Variants in ATP2B1 observed in about 807,000 individuals in gnomAD.
ATP2B1 encodes the protein ATPase plasma membrane Ca2+ transporting 1.
Under a neutral mutation model 124.2 loss-of-function variants are expected in ATP2B1, and 14 were observed. The ratio of observed to expected loss-of-function variants is 0.11; its 90% CI spans 0.07 to 0.18. The LOEUF is 0.18. Ranked by LOEUF, ATP2B1 falls within the 10% of genes least tolerant of loss-of-function variation. The probability of loss-of-function intolerance (pLI) is 1.00; values close to 1 mark genes in which losing one functional copy is unlikely to be tolerated. For synonymous variants in ATP2B1, 449 were observed against 492.4 expected (o/e 0.91, Z 1.17); for missense variants, 763 against 1,466.1 (o/e 0.52, Z 7.83).
intron 10 of ATP2B1, 56 bp downstream of exon 10, chr12:89,621,493 G>A (rs17381270): frequency 0.18 from 236,256 of 1,343,824 alleles, 22,831 homozygotes; most frequent in Non-Finnish European, 0.2. Flanking sequence ...CTTACATATA[G>A]TCTGATCATT....
At chr12:89,619,542 C>T (rs1372868513) in intron 11 of ATP2B1, among the ~76,000 whole-genome samples, 1 of 147,948 alleles carries the variant, frequency 6.8e-6, no homozygotes, top group Admixed American at 6.9e-5. Flanking sequence ...AACCCAGGGG[C>T]GGAGGGTGAA....
intron 11 of ATP2B1, among the ~76,000 whole-genome samples, chr12:89,618,596 C>T (rs1879410490): frequency 6.6e-6 from 1 of 152,166 alleles, no homozygotes; most frequent in Non-Finnish European, 1.5e-5. Context: ...TGTATATGGC[C>T]TGTGTGCCAC....
In ATP2B1 at chr12:89,591,179, C is replaced by A; in HGVS notation, c.3468G>T (p.Glu1156Asp). ...TGTCATCAATAAGGGGGATATGAGG[C>A]TCTGAATCTTCTATCCTAAACTCAG... The part of the protein sequence containing the change: ...THPEFRIEDS[E>D]PHIPLIDDTD... The change falls in exon 21 of 21, where the codon GAG (glutamate) becomes GAT (aspartate). Residue 1156 changes from glutamate (E) to aspartate (D), a missense_variant. By Grantham distance (45) the Glu-to-Asp change is conservative. Transcript: ENST00000428670. 1 of 1,613,258 alleles carries A rather than the reference C, an allele frequency of 6.2e-7. No individual in the cohort carries two copies. The highest frequency in any genetic ancestry group is 8.5e-7 in the Non-Finnish European group (1 of 1,179,382).
At chr12:89,689,639 T>C (rs998341894) in intron 1 of ATP2B1, among the ~76,000 whole-genome samples, 5 of 152,128 alleles carry the variant, frequency 3.3e-5, no homozygotes, top group African/African-American at 7.2e-5. Flanking sequence ...ATCTGGCCCA[T>C]ATTTAATACG....
chr12:89,638,766 A>G (rs1782701679), intron 3 of ATP2B1, among the ~76,000 whole-genome samples: 1 of 152,194 alleles, frequency 6.6e-6, no homozygotes, highest in African/African-American at 2.4e-5. Flanking sequence ...ATACAGCAAA[A>G]TATTTTGATA....
chr12:89,685,070 C>T lies in ATP2B1; in HGVS notation c.-222+23526G>A, dbSNP rs142228360. ...AATTTGTATTTCTCAATGTAGCCTC[C>T]GCCATTGCCGTATTTTATTGTGACA... On this transcript the variant is annotated intron_variant, in intron 1 of 20. Coordinates refer to ENST00000428670, the MANE Select transcript of ATP2B1 (RefSeq NM_001366521.1). Among the ~76,000 whole-genome samples the T allele has an allele frequency of 2.3e-3, 344 of 152,198 alleles. 1 individual carries two copies. The highest frequency in any genetic ancestry group is 3.7e-3 in the Non-Finnish European group (255 of 68,004).
intron 2 of ATP2B1, among the ~76,000 whole-genome samples, chr12:89,648,607 A>C (rs1592856701): frequency 1.3e-5 from 2 of 152,386 alleles, no homozygotes; most frequent in African/African-American, 4.8e-5. Flanking sequence ...GAAAATGTGC[A>C]GCCTGGACCT....
intron 2 of ATP2B1, among the ~76,000 whole-genome samples, chr12:89,644,551 A>C (rs572776160): frequency 2.0e-5 from 3 of 152,250 alleles, no homozygotes; most frequent in East Asian, 1.9e-4. Flanking sequence ...AAAAAGAAAA[A>C]AAAAAGACTT....
At chr12:89,636,681 G>T (rs995270717) in intron 3 of ATP2B1, among the ~76,000 whole-genome samples, 3 of 152,128 alleles carry the variant, frequency 2.0e-5, no homozygotes, top group Non-Finnish European at 4.4e-5. Flanking sequence ...CAATCTGGGA[G>T]GGAAGACAGG....
At chr12:89,659,503 A>G (rs144710077) in intron 1 of ATP2B1, among the ~76,000 whole-genome samples, 90 of 152,306 alleles carry the variant, frequency 5.9e-4, no homozygotes, top group Admixed American at 2.2e-3. Flanking sequence ...AGGGCCTTAG[A>G]AAAAGACAAA....
intron 2 of ATP2B1, among the ~76,000 whole-genome samples, chr12:89,643,860 C>A (rs1355230235): frequency 6.6e-6 from 1 of 152,172 alleles, no homozygotes; most frequent in African/African-American, 2.4e-5. Context: ...GAGGCCAAGG[C>A]AGGCAGATCA....
intron 7 of ATP2B1, among the ~76,000 whole-genome samples, chr12:89,627,220 T>C (rs1469467592): frequency 6.6e-6 from 1 of 152,076 alleles, no homozygotes; most frequent in Non-Finnish European, 1.5e-5. Context: ...CCTGATCTCC[T>C]GTGATGCGGA....
intron 2 of ATP2B1, among the ~76,000 whole-genome samples, chr12:89,648,967 A>T (rs930786606): frequency 1.2e-4 from 18 of 152,232 alleles, no homozygotes; most frequent in African/African-American, 4.3e-4. Context: ...TGTGGTATTA[A>T]ATTTGCAGAT....
intron 15 of ATP2B1, among the ~76,000 whole-genome samples, chr12:89,605,021 G>A (rs1309472859): frequency 6.6e-6 from 1 of 152,142 alleles, no homozygotes; most frequent in African/African-American, 2.4e-5. Flanking sequence ...TTAATAAATT[G>A]TGGATTAATA....
At chr12:89,640,730 GGTGCC>G (rs1883374687) in intron 3 of ATP2B1, among the ~76,000 whole-genome samples, 1 of 152,058 alleles carries the variant, frequency 6.6e-6, no homozygotes, top group Non-Finnish European at 1.5e-5. Flanking sequence ...TGAATGGCTT[GGTGCC>G]CTCCCCATGG....
intron 20 of ATP2B1, among the ~76,000 whole-genome samples, chr12:89,596,825 T>A (rs1592698971): frequency 6.6e-6 from 1 of 152,148 alleles, no homozygotes; most frequent in East Asian, 1.9e-4. Flanking sequence ...AACAGATACT[T>A]ACTTTCCATT....
chr12:89,694,699 T>C (rs551030511), intron 1 of ATP2B1, among the ~76,000 whole-genome samples: 31 of 152,204 alleles, frequency 2.0e-4, no homozygotes, highest in African/African-American at 6.7e-4. Context: ...CAAACAGAGC[T>C]CAGCACAACT....
chr12:89,631,745 C>T (rs563181735), intron 5 of ATP2B1, among the ~76,000 whole-genome samples: 7 of 151,718 alleles, frequency 4.6e-5, no homozygotes, highest in African/African-American at 1.7e-4. Flanking sequence ...CTATGTCCCG[C>T]AAAACAATTT....
chr12:89,688,152 C>A (rs138683731), intron 1 of ATP2B1, among the ~76,000 whole-genome samples: 33 of 152,086 alleles, frequency 2.2e-4, no homozygotes, highest in African/African-American at 8.0e-4. Flanking sequence ...GGAATCTAAC[C>A]CAAGGAGAAG....
Sources: allele counts gnomAD v4.1 joint callset (sites outside exome capture counted in the v4.1 genomes callset), GRCh38; gene constraint gnomAD v4.1.1; transcripts MANE v1.5; gene names NCBI Gene and HGNC (gene_info 2026-07-23, HGNC 2026-07-21).